PPP2R1A: variants seen among roughly 807,000 people sequenced by gnomAD.
The protein encoded by PPP2R1A is serine/threonine-protein phosphatase 2A 65 kDa regulatory subunit A alpha isoform.
In PPP2R1A, 15 loss-of-function variants were observed where a neutral mutation model predicts 67.1. The observed-to-expected ratio is 0.22, with a 90% CI of 0.15 to 0.34. PPP2R1A has a LOEUF of 0.34. Ranked by LOEUF, PPP2R1A falls within the 10% of genes least tolerant of loss-of-function variation. The pLI is 1.00. For missense variants in PPP2R1A, 369 were observed against 775.0 expected (o/e 0.48, Z 6.22); for synonymous variants, 337 against 325.0 (o/e 1.04, Z -0.40).
At chr19:52,197,469 G>C (rs1416271477) in intron 1 of PPP2R1A, among the ~76,000 whole-genome samples, 1 of 152,098 alleles carries the variant, frequency 6.6e-6, no homozygotes, top group Non-Finnish European at 1.5e-5. Context: ...GAGCTCAGGA[G>C]TTTGAGGGCA....
chr19:52,192,753 C>T (rs78167475), intron 1 of PPP2R1A, among the ~76,000 whole-genome samples: 5,001 of 152,234 alleles, frequency 0.033, 109 homozygotes, highest in Non-Finnish European at 0.052. Context: ...AGGCAGCTTA[C>T]CGGTTTATTC....
At chr19:52,196,393 G>A (rs2089497167) in intron 1 of PPP2R1A, among the ~76,000 whole-genome samples, 1 of 152,208 alleles carries the variant, frequency 6.6e-6, no homozygotes, top group Non-Finnish European at 1.5e-5. Flanking sequence ...TCACAGAAAT[G>A]CGGTTTTTTT....
At chr19:52,225,011 CTTTTTTT>C (rs61015844) in intron 13 of PPP2R1A, among the ~76,000 whole-genome samples, 26 of 101,082 alleles carry the variant, frequency 2.6e-4, no homozygotes, top group Non-Finnish European at 4.2e-4. Flanking sequence ...TTGAGTTTAC[CTTTTTTT>C]TTTTTTTTTT....
In PPP2R1A at chr19:52,212,868, CCTT is replaced by C. The variant is rs1162018369; in HGVS notation, c.651+38_651+40del. 3 of 1,574,990 alleles carry C rather than the reference CCTT, an allele frequency of 1.9e-6. No homozygotes were observed. The highest frequency in any genetic ancestry group is 1.2e-5 in the South Asian group (1 of 84,608). The stretch of plus-strand genomic sequence containing the variant: ...GCTTCCTGGCCCTCTGCTCTCCCGT[CCTT>C]CTGGTGGTTCCTGCCCATGAAAGAG... On this transcript the variant is annotated intron_variant, in intron 5 of 14. Transcript: ENST00000322088. This position sits in a 1 kb window ranked among gnomAD's most constrained non-coding sequence, Gnocchi z 4.1.
At chr19:52,196,320 T>A (rs1600157630) in intron 1 of PPP2R1A, among the ~76,000 whole-genome samples, 2 of 152,348 alleles carry the variant, frequency 1.3e-5, no homozygotes, top group East Asian at 3.9e-4. Context: ...GAGTTCTCTT[T>A]ATTTCTCATA....
intron 1 of PPP2R1A, 109 bp from the exon 2 acceptor site, chr19:52,201,835 C>A: frequency 1.0e-6 from 1 of 959,966 alleles, no homozygotes; most frequent in Non-Finnish European, 1.6e-6. Context: ...AGCATCTTCA[C>A]ATGTAACCAA....
intron 1 of PPP2R1A, among the ~76,000 whole-genome samples, chr19:52,196,245 ATAT>A (rs1267950021): frequency 6.6e-6 from 1 of 152,214 alleles, no homozygotes; most frequent in African/African-American, 2.4e-5. Context: ...TTCTGAAATG[ATAT>A]TAATAGATTT....
intron 13 of PPP2R1A, among the ~76,000 whole-genome samples, chr19:52,225,162 C>T (rs1011418457): frequency 2.6e-5 from 4 of 151,534 alleles, no homozygotes; most frequent in East Asian, 3.9e-4. Context: ...GGATCACAGG[C>T]GTGCACCACC....
At chr19:52,207,408 G>A (rs1376767790) in intron 3 of PPP2R1A, among the ~76,000 whole-genome samples, 3 of 152,202 alleles carry the variant, frequency 2.0e-5, no homozygotes, top group African/African-American at 7.2e-5. Context: ...TGCAACTGAG[G>A]TTGGGACTCA....
intron 11 of PPP2R1A, 121 bp downstream of exon 11, chr19:52,220,370 C>T (rs1030792996): frequency 6.0e-5 from 62 of 1,041,398 alleles, no homozygotes; most frequent in Non-Finnish European, 8.4e-5. Context: ...GCTGGATGCT[C>T]GTATGGACCA....
intron 2 of PPP2R1A, among the ~76,000 whole-genome samples, chr19:52,205,174 C>T (rs1449407988): frequency 2.0e-5 from 3 of 152,166 alleles, no homozygotes; most frequent in Non-Finnish European, 2.9e-5. Context: ...GGTTTAAGTG[C>T]CAATAGATGC....
In PPP2R1A at chr19:52,211,241, C is replaced by CAGGCTG; in HGVS notation, c.271-19_271-18insAGGCTG. The CAGGCTG allele has an allele frequency of 6.2e-7, 1 of 1,609,024 alleles. No individual in the cohort carries two copies. Among genetic ancestry groups the CAGGCTG allele is most frequent in the South Asian group, 1.1e-5 (1 of 90,690 alleles). On this transcript the variant is annotated intron_variant, in intron 3 of 14. Coordinates refer to ENST00000322088, the MANE Select transcript of PPP2R1A (RefSeq NM_014225.6). This position sits in a 1 kb window ranked among gnomAD's most constrained non-coding sequence, Gnocchi z 5.3. ...TGGTGGAGAGGGAGCTGTCCAGTGACTTTGTGTTCTCACCACAGCCACCGC... is the reference window on the plus strand; with the variant it reads ...TGGTGGAGAGGGAGCTGTCCAGTGACAGGCTGTTTGTGTTCTCACCACAGCCACCGC...
At chr19:52,209,394 A>G (rs1423661654) in intron 3 of PPP2R1A, among the ~76,000 whole-genome samples, 3 of 152,218 alleles carry the variant, frequency 2.0e-5, no homozygotes, top group Admixed American at 1.3e-4. Flanking sequence ...TCACGATAGC[A>G]TGAGGACCTG....
Position 52,213,345 on chromosome 19 carries a change from G to A in PPP2R1A, c.807+235G>A, listed in dbSNP as rs2089692186. On this transcript the variant is annotated intron_variant, in intron 6 of 14. Transcript: ENST00000322088. This position sits in a 1 kb window ranked among gnomAD's most constrained non-coding sequence, Gnocchi z 4.2. The stretch of plus-strand genomic sequence containing the variant: ...TCTGAGGCAAAGTTAAGGCTACGTG[G>A]AGGAAAGTGCCACAGGAGCAGAGAA... Among the ~76,000 whole-genome samples the A allele has an allele frequency of 6.6e-6, 1 of 151,994 alleles. No individual in the cohort carries two copies. Among genetic ancestry groups the A allele is most frequent in the South Asian group, 2.1e-4 (1 of 4,814 alleles).
rs1258177204 is a variant in PPP2R1A at position 52,212,477 on chromosome 19, A to G, written c.504-209A>G. 1.5e-5 allele frequency: 9 copies of G among 594,192 alleles called. No homozygotes were observed. In the African/African-American group the frequency reaches 1.7e-4, roughly 11 times the overall value. 36.8% of individuals were successfully genotyped at this position (594,192 alleles called of 1,614,324 possible). A position where few individuals can be genotyped will look rare whatever the true frequency, so the allele number is the denominator to read the frequency against. On this transcript the variant is annotated intron_variant, in intron 4 of 14. Transcript: ENST00000322088. The surrounding 1 kb of genome is among the most constrained non-coding windows in gnomAD (Gnocchi z 4.1). ...GCGCAATCTGCGAAGTGTCTCACAC[A>G]CACTATTTTCATTTAAACCTCATGC...
chr19:52,219,170 A>G lies in PPP2R1A; in HGVS notation c.1129-521A>G, dbSNP rs1267204356. The stretch of plus-strand genomic sequence containing the variant: ...CAAGGGCTGGAGCTGGGCAAGGGCC[A>G]GTCCTATCCTCGGAATGTGCAGGGT... On this transcript the variant is annotated intron_variant, in intron 9 of 14. Transcript: ENST00000322088. This position sits in a 1 kb window ranked among gnomAD's most constrained non-coding sequence, Gnocchi z 4.0. Among the ~76,000 whole-genome samples, 1 of 152,246 alleles carries G rather than the reference A, an allele frequency of 6.6e-6. No individual in the cohort carries two copies. Among genetic ancestry groups the G allele is most frequent in the Non-Finnish European group, 1.5e-5 (1 of 68,046 alleles).
At position 52,219,582 on chromosome 19, in the gene PPP2R1A, A is replaced by G; in HGVS notation, c.1129-109A>G. 2.6e-6 allele frequency: 3 copies of G among 1,148,154 alleles called. No homozygotes were observed. Among genetic ancestry groups the G allele is most frequent in the South Asian group, 1.6e-5 (1 of 62,648 alleles). The allele number at this position is 1,148,154 out of a possible 1,614,324, so 71.1% of individuals were successfully genotyped here. A position where few individuals can be genotyped will look rare whatever the true frequency, so the allele number is the denominator to read the frequency against. ...CGGGGAGCTGGGCTTGGACAGGAGTAGTCCCTCGGGAGATGTCCATAAAAG... is the reference window on the plus strand; with the variant it reads ...CGGGGAGCTGGGCTTGGACAGGAGTGGTCCCTCGGGAGATGTCCATAAAAG... On this transcript the variant is annotated intron_variant, in intron 9 of 14. Transcript: ENST00000322088. The surrounding 1 kb of genome is among the most constrained non-coding windows in gnomAD (Gnocchi z 4.0).
chr19:52,190,394 G>T, intron 1 of PPP2R1A: 1 of 612,610 alleles, frequency 1.6e-6, no homozygotes, highest in South Asian at 2.0e-5. Context: ...AGCCTCGAGG[G>T]TCCCGGGCCT....
chr19:52,219,493 A>G lies in PPP2R1A; in HGVS notation c.1129-198A>G, dbSNP rs1978786244. On this transcript the variant is annotated intron_variant, in intron 9 of 14. Transcript: ENST00000322088. This position sits in a 1 kb window ranked among gnomAD's most constrained non-coding sequence, Gnocchi z 4.0. Reference sequence around the variant, plus strand: ...CTTGTGATACTATTGTAAGGTTTAAAAATCTGCTTAAGTTAGTGATCCATG... The same window carrying G: ...CTTGTGATACTATTGTAAGGTTTAAGAATCTGCTTAAGTTAGTGATCCATG... Among the ~76,000 whole-genome samples, 1 of 152,238 alleles carries G rather than the reference A, an allele frequency of 6.6e-6. No individual in the cohort carries two copies. Among genetic ancestry groups the G allele is most frequent in the Admixed American group, 6.5e-5 (1 of 15,288 alleles).
Sources: gnomAD v4.1 joint callset for allele counts (sites outside exome capture counted in the v4.1 genomes callset) on GRCh38, gnomAD v4.1.1 for gene constraint, Gnocchi (gnomAD v3.1) non-coding constraint, MANE v1.5 for transcripts, NCBI Gene and HGNC (gene_info 2026-07-23, HGNC 2026-07-21) for gene names.